The following COL4A5 variants were observed in gnomAD, a reference collection of about 807,000 sequenced individuals.
COL4A5 encodes the protein collagen type IV alpha 5 chain.
COL4A5 carries 26 observed loss-of-function variants against 130.2 expected under a neutral mutation model. The observed-to-expected ratio is 0.20, with a 90% CI of 0.15 to 0.28. The LOEUF is 0.28. COL4A5 is among the 10% of genes least tolerant of loss of function. COL4A5 has a pLI of 1.00. For synonymous variants in COL4A5, 496 were observed against 439.6 expected (o/e 1.13, Z -1.60); for missense variants, 1,131 against 1,344.3 (o/e 0.84, Z 2.48).
At chrX:108,611,504 C>A (rs1300238378) in intron 29 of COL4A5, among the ~76,000 whole-genome samples, 2 of 111,288 alleles carry the variant, frequency 1.8e-5, no homozygotes, top group Non-Finnish European at 3.8e-5. Context: ...AACAACAAAT[C>A]TATATCAAAC....
At chrX:108,681,139 T>C (rs775502076) in intron 46 of COL4A5, among the ~76,000 whole-genome samples, 183 bp downstream of exon 46, 3 of 111,475 alleles carry the variant, frequency 2.7e-5, no homozygotes, top group Non-Finnish European at 5.6e-5. Flanking sequence ...AACATAATAT[T>C]GATAGCAGAC....
At chrX:108,457,740 CT>C (rs918001254) in intron 1 of COL4A5, among the ~76,000 whole-genome samples, 2 of 111,832 alleles carry the variant, frequency 1.8e-5, no homozygotes, top group African/African-American at 6.5e-5. Flanking sequence ...AACCTCTCTA[CT>C]TACCCACAGT....
chrX:108,650,276 G>C (rs1218760522), intron 36 of COL4A5, among the ~76,000 whole-genome samples: 1 of 110,986 alleles, frequency 9.0e-6, no homozygotes, highest in African/African-American at 3.3e-5. Flanking sequence ...AAAAATAGGA[G>C]ATCTTGGTGT....
chrX:108,633,443 T>G (rs773678709), intron 36 of COL4A5, among the ~76,000 whole-genome samples: 3 of 111,415 alleles, frequency 2.7e-5, no homozygotes, highest in Admixed American at 1.9e-4. Context: ...AAATATCCAG[T>G]TGACTGAGCC....
At chrX:108,588,697 A>T (rs112572119) in intron 19 of COL4A5, among the ~76,000 whole-genome samples, 1 of 111,437 alleles carries the variant, frequency 9.0e-6, no homozygotes, top group African/African-American at 3.2e-5. Context: ...ATAGTAATGC[A>T]AAGGTCCATA....
intron 30 of COL4A5, among the ~76,000 whole-genome samples, chrX:108,619,614 A>G (rs2066999057): frequency 8.9e-6 from 1 of 111,953 alleles, no homozygotes; most frequent in African/African-American, 3.2e-5. Flanking sequence ...ACAAAAGATG[A>G]CAAAAAATAC....
In COL4A5 at chrX:108,473,872, T is replaced by G. The variant is rs193132769; in HGVS notation, c.81+33666T>G. Among the ~76,000 whole-genome samples, 43 of 107,436 alleles carry G rather than the reference T, an allele frequency of 4.0e-4. No individual in the cohort carries two copies. The East Asian group carries it at 8.6e-3, about 21-fold the overall frequency. 93.3% of individuals were successfully genotyped at this position (107,436 alleles called of 115,157 possible). The stretch of plus-strand genomic sequence containing the variant: ...GTCTCAAACTCCTGACCTCAAGTGA[T>G]CTGCCTGCCTCTGCCTCCCAAAGTG... On this transcript the variant is annotated intron_variant, in intron 1 of 52. Coordinates refer to ENST00000328300, the MANE Select transcript of COL4A5 (RefSeq NM_033380.3).
At chrX:108,527,817 CCCAA>C (rs2065341734) in intron 1 of COL4A5, among the ~76,000 whole-genome samples, 1 of 111,877 alleles carries the variant, frequency 8.9e-6, no homozygotes, top group Non-Finnish European at 1.9e-5. Context: ...GGCCTAAACT[CCCAA>C]CCACTACCAC....
chrX:108,562,519 T>G (rs1466720921), intron 3 of COL4A5, among the ~76,000 whole-genome samples: 1 of 112,193 alleles, frequency 8.9e-6, no homozygotes, highest in African/African-American at 3.2e-5. Flanking sequence ...AAAGGTGTGC[T>G]TGTATGCAGG....
chrX:108,681,923 T>G, intron 47 of COL4A5, 35 bp downstream of exon 47: 1 of 1,156,906 alleles, frequency 8.6e-7, no homozygotes, highest in Non-Finnish European at 1.2e-6. Flanking sequence ...ATCATTATTA[T>G]ACTTTTAATT....
chrX:108,695,062 C>T, intron 51 of COL4A5, 141 bp downstream of exon 51: 1 of 656,540 alleles, frequency 1.5e-6, no homozygotes, highest in Non-Finnish European at 2.4e-6. Context: ...CACTGTGTTC[C>T]CCCTCACACA....
At chrX:108,496,786 C>T (rs2065039521) in intron 1 of COL4A5, among the ~76,000 whole-genome samples, 1 of 111,430 alleles carries the variant, frequency 9.0e-6, no homozygotes, top group Non-Finnish European at 1.9e-5. Flanking sequence ...TTTCCTCTTT[C>T]TCTTGGATTA....
chrX:108,502,985 A>G (rs760499888), intron 1 of COL4A5, among the ~76,000 whole-genome samples: 10 of 112,095 alleles, frequency 8.9e-5, no homozygotes, highest in Non-Finnish European at 1.9e-4. Context: ...TTTTCTTTAC[A>G]ATTAATATTT....
chrX:108,694,497 C>G (rs1018992364), intron 50 of COL4A5: 5 of 306,076 alleles, frequency 1.6e-5, no homozygotes, highest in Non-Finnish European at 2.9e-5. Flanking sequence ...TGCAATACAC[C>G]AAACCAAACT....
Position 108,586,745 on chromosome X carries a change from C to T in COL4A5, c.1163C>T (p.Pro388Leu), listed in dbSNP as rs1196885142. ...IQGPPGLPGP[P>L]GAAVMGPPGP... ...GGTCCACCTGGCCTTCCTGGACCTC[C>T]AGGTAAATGAGATTGCATTTATGGC... Residue 388 changes from proline to leucine, a missense_variant and splice_region_variant, in exon 19 of 53, where the codon CCA (proline) becomes CTA (leucine). By Grantham distance (98) the Pro-to-Leu change is moderately conservative (BLOSUM62 -3). Transcript: ENST00000328300. 8.3e-7 allele frequency: 1 copy of T among 1,209,313 alleles called. No individual in the cohort carries two copies. Among genetic ancestry groups the T allele is most frequent in the African/African-American group, 1.7e-5 (1 of 57,552 alleles).
At position 108,531,510 on chromosome X, in the gene COL4A5, TAAAA is replaced by T. The variant is rs1191152723; in HGVS notation, c.82-8234_82-8231del. 1.1e-4 allele frequency among the ~76,000 whole-genome samples: 12 copies of T among 105,827 alleles called. No homozygotes were observed. In the Admixed American group the frequency reaches 1.2e-3, roughly 11 times the overall value. 91.9% of individuals were successfully genotyped at this position (105,827 alleles called of 115,157 possible). ...TGCCTACATTAAAAACGTAGAAAAA[TAAAA>T]ATTTAACAATCTAGCAATGCACCTC... On this transcript the variant is annotated intron_variant, in intron 1 of 52. Transcript: ENST00000328300.
chrX:108,602,565 T>G (rs1569495144), intron 27 of COL4A5, among the ~76,000 whole-genome samples: 1 of 112,393 alleles, frequency 8.9e-6, no homozygotes. Flanking sequence ...ATTTTATGTG[T>G]GTATGTATCT....
At chrX:108,557,640 A>AAC (rs60795449) in intron 2 of COL4A5, among the ~76,000 whole-genome samples, 229 of 109,299 alleles carry the variant, frequency 2.1e-3, no homozygotes, top group East Asian at 0.019. Flanking sequence ...GTACTTACAA[A>AAC]ACACACACAC....
At chrX:108,467,017 A>T (rs1169300208) in intron 1 of COL4A5, among the ~76,000 whole-genome samples, 1 of 111,873 alleles carries the variant, frequency 8.9e-6, no homozygotes, top group Non-Finnish European at 1.9e-5. Context: ...ATGCAGAAAC[A>T]TTTTAAAATT....
Sources: gnomAD v4.1 joint callset for allele counts (sites outside exome capture counted in the v4.1 genomes callset) on GRCh38, gnomAD v4.1.1 for gene constraint, MANE v1.5 for transcripts, NCBI Gene and HGNC (gene_info 2026-07-23, HGNC 2026-07-21) for gene names.